UBXN2A: variants seen among roughly 807,000 people sequenced by gnomAD.
The protein encoded by UBXN2A is UBX domain protein 2A, also known as UBX domain-containing protein 2A.
UBXN2A carries 28 observed loss-of-function variants against 28.4 expected under a neutral mutation model. That is an observed-to-expected ratio of 0.99 (90% CI 0.73 to 1.35). The LOEUF is 1.35. UBXN2A is among the 40% of genes most tolerant of loss of function. UBXN2A has a pLI of 0.00. For missense variants in UBXN2A, 253 were observed against 297.9 expected, an observed-to-expected ratio of 0.85 and a Z score of 1.11; for synonymous variants, 97 against 103.6, an observed-to-expected ratio of 0.94 and a Z score of 0.39.
chr2:23,978,582 T>C lies in UBXN2A; in HGVS notation c.287+1507T>C, dbSNP rs905949862. ...TGGCTTGAACCTGGGAGGCGGAGCT[T>C]GCAGTGAGCCAGGATCACGCCACTG... On this transcript the variant is annotated intron_variant, in intron 4 of 6. Transcript: ENST00000309033. Among the ~76,000 whole-genome samples the C allele has an allele frequency of 7.7e-4, 117 of 151,468 alleles. 2 individuals are homozygous for C. Among genetic ancestry groups the C allele is most frequent in the Non-Finnish European group, 1.5e-4 (10 of 67,922 alleles).
chr2:23,954,530 C>G (rs1260867219), intron 1 of UBXN2A, among the ~76,000 whole-genome samples: 1 of 152,140 alleles, frequency 6.6e-6, no homozygotes, highest in Non-Finnish European at 1.5e-5. Context: ...CAGTAGCGTA[C>G]CAGGGTTTCA....
chr2:23,979,910 C>T (rs976077826), intron 4 of UBXN2A, among the ~76,000 whole-genome samples: 2 of 151,224 alleles, frequency 1.3e-5, no homozygotes, highest in African/African-American at 2.4e-5. Context: ...ATATTTTTGA[C>T]TATTTTCTTT....
chr2:23,983,509 A>G (rs1249172586), intron 5 of UBXN2A, among the ~76,000 whole-genome samples: 1 of 151,940 alleles, frequency 6.6e-6, no homozygotes, highest in East Asian at 1.9e-4. Flanking sequence ...CTCTGTCTCA[A>G]AAAAAAAGAA....
At chr2:23,950,590 G>C (rs1468924171) in intron 1 of UBXN2A, among the ~76,000 whole-genome samples, 1 of 150,780 alleles carries the variant, frequency 6.6e-6, no homozygotes, top group East Asian at 2.0e-4. Flanking sequence ...TTTTAGTAGA[G>C]ATGGGGTTTC....
intron 1 of UBXN2A, among the ~76,000 whole-genome samples, chr2:23,956,845 C>G (rs1389797617): frequency 6.6e-6 from 1 of 152,144 alleles, no homozygotes; most frequent in Admixed American, 6.6e-5. Flanking sequence ...GTCATTGCTT[C>G]CAGGCCTTCT....
At chr2:23,963,037 AG>A in intron 2 of UBXN2A, among the ~76,000 whole-genome samples, 1 of 152,340 alleles carries the variant, frequency 6.6e-6, no homozygotes, top group South Asian at 2.1e-4. Context: ...GAGTTTGTGC[AG>A]GGGAACTCCT....
intron 6 of UBXN2A, chr2:23,996,917 C>T (rs1357410153): frequency 6.6e-6 from 1 of 152,186 alleles, no homozygotes; most frequent in African/African-American, 2.4e-5. Context: ...TGGTTCCCCC[C>T]ACCTTAGGGA....
intron 3 of UBXN2A, 103 bp downstream of exon 3, chr2:23,971,517 C>G: frequency 7.9e-7 from 1 of 1,270,518 alleles, no homozygotes; most frequent in East Asian, 2.4e-5. Flanking sequence ...GAGACAAGGT[C>G]TTTCTCTGTC....
chr2:23,937,308 G>T (rs1313027111), upstream of UBXN2A, among the ~76,000 whole-genome samples: 1 of 152,114 alleles, frequency 6.6e-6, no homozygotes, highest in Non-Finnish European at 1.5e-5. Context: ...GCTTTGGGAG[G>T]CCCAAGCAGG....
At chr2:23,989,452 CCT>C (rs1198104370) in intron 6 of UBXN2A, among the ~76,000 whole-genome samples, 1 of 151,612 alleles carries the variant, frequency 6.6e-6, no homozygotes, top group Non-Finnish European at 1.5e-5. Context: ...GGGGTTTCAC[CCT>C]GTTGCCTAGG....
chr2:23,946,463 G>C (rs1706084348), intron 1 of UBXN2A, among the ~76,000 whole-genome samples: 1 of 151,958 alleles, frequency 6.6e-6, no homozygotes, highest in Non-Finnish European at 1.5e-5. Flanking sequence ...TGGGACTATA[G>C]GCGCACGCCA....
At chr2:23,993,186 G>C (rs748713361) in intron 6 of UBXN2A, among the ~76,000 whole-genome samples, 6 of 152,190 alleles carry the variant, frequency 3.9e-5, no homozygotes, top group African/African-American at 1.4e-4. Flanking sequence ...ATGAAGAGGA[G>C]AGCAAACTAA....
intron 2 of UBXN2A, among the ~76,000 whole-genome samples, chr2:23,962,272 C>T (rs190813696): frequency 1.4e-3 from 211 of 152,312 alleles, no homozygotes; most frequent in South Asian, 1.5e-3. Context: ...ACAGCTAATT[C>T]ATAACCTTAT....
In UBXN2A at chr2:23,975,504, GTGTT is replaced by G. The variant is rs1246904831; in HGVS notation, c.181-1461_181-1458del. Reference sequence around the variant, plus strand: ...TTTTTGACGTGAGACATTTTAAAAAGTGTTTGTGAAAAATCCTTTCACTCTGATT... The same window carrying G: ...TTTTTGACGTGAGACATTTTAAAAAGTGTGAAAAATCCTTTCACTCTGATT... On this transcript the variant is annotated intron_variant, in intron 3 of 6. Transcript: ENST00000309033. 3.9e-5 allele frequency among the ~76,000 whole-genome samples: 6 copies of G among 152,110 alleles called. No homozygotes were observed. In the East Asian group the frequency reaches 5.8e-4, roughly 15 times the overall value.
At chr2:23,993,219 A>C (rs1014696178) in intron 6 of UBXN2A, among the ~76,000 whole-genome samples, 38 of 152,314 alleles carry the variant, frequency 2.5e-4, no homozygotes, top group Admixed American at 1.6e-3. Flanking sequence ...GGGAATGGGG[A>C]TTTGTTATTC....
chr2:23,992,837 G>T (rs970653803), intron 6 of UBXN2A, among the ~76,000 whole-genome samples: 1 of 152,038 alleles, frequency 6.6e-6, no homozygotes, highest in African/African-American at 2.4e-5. Flanking sequence ...TAATTTCAAC[G>T]TATCTGTATA....
chr2:23,978,342 A>G (rs1348190690), intron 4 of UBXN2A, among the ~76,000 whole-genome samples: 1 of 152,158 alleles, frequency 6.6e-6, no homozygotes, highest in Non-Finnish European at 1.5e-5. Flanking sequence ...CGATTCATGA[A>G]TAAAAATTTT....
Position 24,000,700 on chromosome 2 carries a change from A to G in UBXN2A, c.*833A>G, listed in dbSNP as rs926094900. On this transcript the variant is annotated 3_prime_UTR_variant, in exon 7 of 7. Coordinates refer to ENST00000309033, the MANE Select transcript of UBXN2A (RefSeq NM_181713.4). ...TCAACAGAGTGAGACCCCTGTCTATATATTTTTTTAATTTAAAAAATAAAA... is the reference window on the plus strand; with the variant it reads ...TCAACAGAGTGAGACCCCTGTCTATGTATTTTTTTAATTTAAAAAATAAAA... 12 of 152,152 alleles carry G rather than the reference A, an allele frequency of 7.9e-5. No individual in the cohort carries two copies. The highest frequency in any genetic ancestry group is 2.9e-4 in the African/African-American group (12 of 41,442). 9.4% of individuals were successfully genotyped at this position (152,152 alleles called of 1,614,324 possible).
chr2:23,950,023 A>ACCC (rs1706287405), intron 1 of UBXN2A, among the ~76,000 whole-genome samples: 1 of 26,836 alleles, frequency 3.7e-5, no homozygotes, highest in Non-Finnish European at 8.9e-5. Flanking sequence ...CCCCACCCCC[A>ACCC]CCCCAAGGAT....
Sources: gnomAD v4.1 joint callset for allele counts (sites outside exome capture counted in the v4.1 genomes callset) on GRCh38, gnomAD v4.1.1 for gene constraint, MANE v1.5 for transcripts, NCBI Gene and HGNC (gene_info 2026-07-23, HGNC 2026-07-21) for gene names.